Variants in PTPN9 observed in about 807,000 individuals in gnomAD.
PTPN9 encodes tyrosine-protein phosphatase non-receptor type 9.
In PTPN9, 26 loss-of-function variants were observed where a neutral mutation model predicts 69.8. That is an observed-to-expected ratio of 0.37 (90% CI 0.27 to 0.52). The LOEUF (loss-of-function observed/expected upper bound fraction) is 0.52. Ranked by LOEUF, PTPN9 falls within the 20% of genes least tolerant of loss-of-function variation. The probability of loss-of-function intolerance (pLI) is 0.91; values close to 1 mark genes in which losing one functional copy is unlikely to be tolerated. For missense variants in PTPN9, 549 were observed against 740.3 expected, an observed-to-expected ratio of 0.74 and a Z score of 3.00; for synonymous variants, 274 against 272.5, an observed-to-expected ratio of 1.01 and a Z score of -0.05.
chr15:75,538,446 C>A (rs994565203), intron 1 of PTPN9, among the ~76,000 whole-genome samples: 1 of 152,104 alleles, frequency 6.6e-6, no homozygotes, highest in Non-Finnish European at 1.5e-5. Context: ...TCTATAATCC[C>A]AGCACTCTGG....
intron 8 of PTPN9, among the ~76,000 whole-genome samples, chr15:75,482,361 C>A (rs1357748603): frequency 1.3e-5 from 2 of 152,132 alleles, no homozygotes; most frequent in Non-Finnish European, 1.5e-5. Context: ...GTCAGGAGAT[C>A]GAGACCATCC....
intron 8 of PTPN9, among the ~76,000 whole-genome samples, chr15:75,480,490 C>A (rs1297209241): frequency 6.6e-6 from 1 of 151,120 alleles, no homozygotes; most frequent in Non-Finnish European, 1.5e-5. Flanking sequence ...GAGGTCGCGG[C>A]GCCGGAGGCC....
chr15:75,524,125 A>C (rs2074916772), intron 3 of PTPN9, 84 bp downstream of exon 3: 2 of 620,972 alleles, frequency 3.2e-6, no homozygotes, highest in South Asian at 3.4e-5. Flanking sequence ...ATTAAAAAAA[A>C]AAAAAAAAAA....
At chr15:75,576,723 G>A (rs1436294397) in intron 1 of PTPN9, among the ~76,000 whole-genome samples, 5 of 152,004 alleles carry the variant, frequency 3.3e-5, no homozygotes, top group South Asian at 4.1e-4. Flanking sequence ...CAGGAGAATC[G>A]TTTGAACCCT....
Position 75,472,083 on chromosome 15 carries a change from A to G in PTPN9, c.1209-1253T>C, listed in dbSNP as rs75223802. On this transcript the variant is annotated intron_variant, in intron 10 of 12. Transcript: ENST00000618819. ...GGAAGGGAATTTAACATTCACATTC[A>G]TTTTTTTCCTTCCTCATCTGAAATA... Among the ~76,000 whole-genome samples the G allele has an allele frequency of 8.1e-3, 1,228 of 152,258 alleles. 31 individuals are homozygous for G. The East Asian group carries it at 0.1, about 13-fold the overall frequency.
At chr15:75,493,717 C>T (rs1249600109) in intron 7 of PTPN9, among the ~76,000 whole-genome samples, 2 of 151,664 alleles carry the variant, frequency 1.3e-5, no homozygotes, top group East Asian at 1.9e-4. Context: ...GCTGAAATTG[C>T]GCCACTGTAC....
rs549487850 is a variant in PTPN9 at position 75,529,717 on chromosome 15, C to T, written c.64-2456G>A. Among the ~76,000 whole-genome samples the T allele has an allele frequency of 1.1e-4, 16 of 152,146 alleles. No homozygotes were observed. In the South Asian group the frequency reaches 1.5e-3, roughly 14 times the overall value. ...TTGAGGTCAGGAGTTCGAGACCAGC[C>T]TGGCCAACATGGTGAAACCCTGTCA... On this transcript the variant is annotated intron_variant, in intron 1 of 12. Transcript: ENST00000618819.
At chr15:75,491,946 G>A (rs1416172298) in intron 7 of PTPN9, among the ~76,000 whole-genome samples, 1 of 152,038 alleles carries the variant, frequency 6.6e-6, no homozygotes. Context: ...CTCCAGGGTC[G>A]CCCAGGCTGG....
intron 7 of PTPN9, among the ~76,000 whole-genome samples, chr15:75,491,607 A>T (rs1299585851): frequency 2.6e-5 from 4 of 152,206 alleles, no homozygotes; most frequent in Non-Finnish European, 5.9e-5. Flanking sequence ...TGTTGCCATA[A>T]ACAGGCATAA....
At chr15:75,578,119 G>T (rs543414204) in intron 1 of PTPN9, among the ~76,000 whole-genome samples, 1 of 152,268 alleles carries the variant, frequency 6.6e-6, no homozygotes, top group Admixed American at 6.5e-5. Flanking sequence ...GCCCCGTCTG[G>T]GATAGCTGAA....
intron 1 of PTPN9, among the ~76,000 whole-genome samples, chr15:75,558,534 C>T (rs1056875728): frequency 3.3e-5 from 5 of 151,932 alleles, no homozygotes; most frequent in Non-Finnish European, 5.9e-5. Context: ...CCTCTCCCCA[C>T]GGTCTCCCGA....
intron 3 of PTPN9, 42 bp downstream of exon 3, chr15:75,524,167 G>T: frequency 5.9e-6 from 6 of 1,021,152 alleles, no homozygotes; most frequent in Non-Finnish European, 6.9e-6. Context: ...AGTTAAAAAA[G>T]GAAGTAATAA....
intron 1 of PTPN9, among the ~76,000 whole-genome samples, chr15:75,543,770 C>T (rs951702038): frequency 2.0e-5 from 3 of 152,054 alleles, no homozygotes; most frequent in Non-Finnish European, 4.4e-5. Flanking sequence ...TTTTATATAG[C>T]CTTTAACTAA....
chr15:75,480,154 G>T (rs1441818092), intron 8 of PTPN9, among the ~76,000 whole-genome samples: 2 of 152,070 alleles, frequency 1.3e-5, no homozygotes, highest in Non-Finnish European at 2.9e-5. Flanking sequence ...GACTCAAAAT[G>T]TATCACAGAC....
chr15:75,499,694 G>A (rs911397587), intron 7 of PTPN9, among the ~76,000 whole-genome samples: 16 of 151,690 alleles, frequency 1.1e-4, no homozygotes, highest in African/African-American at 2.4e-4. Flanking sequence ...GTGAGCCACC[G>A]CGCCCAGCCA....
At position 75,483,575 on chromosome 15, in the gene PTPN9, G is replaced by T. The variant is rs780387662; in HGVS notation, c.1063-3661C>A. Among the ~76,000 whole-genome samples, 22 of 152,334 alleles carry T rather than the reference G, an allele frequency of 1.4e-4. No homozygotes were observed. In the South Asian group the frequency reaches 2.1e-3, roughly 14 times the overall value. On this transcript the variant is annotated intron_variant, in intron 8 of 12. Transcript: ENST00000618819. Reference sequence around the variant, plus strand: ...GGGAAATAGGTAGCGACTGCCAAGGGTGTGAGGTTTCTTTGGGAAATGAAA... The same window carrying T: ...GGGAAATAGGTAGCGACTGCCAAGGTTGTGAGGTTTCTTTGGGAAATGAAA...
At chr15:75,480,841 C>T (rs1276447150) in intron 8 of PTPN9, 1 of 318,280 alleles carries the variant, frequency 3.1e-6, no homozygotes, top group East Asian at 5.5e-5. Flanking sequence ...GGAGCAGCCG[C>T]CTGCCTTGGC....
At chr15:75,551,111 A>T (rs76029063) in intron 1 of PTPN9, among the ~76,000 whole-genome samples, 2,887 of 152,168 alleles carry the variant, frequency 0.019, 98 homozygotes, top group African/African-American at 0.065. Flanking sequence ...TTTTAAAAAA[A>T]TTTTTTTCAG....
At chr15:75,578,126 T>C (rs942951889) in intron 1 of PTPN9, among the ~76,000 whole-genome samples, 21 of 152,084 alleles carry the variant, frequency 1.4e-4, no homozygotes, top group African/African-American at 5.1e-4. Flanking sequence ...CTGGGATAGC[T>C]GAATAGGGGG....
Sources: gnomAD v4.1 joint callset for allele counts (sites outside exome capture counted in the v4.1 genomes callset) on GRCh38, gnomAD v4.1.1 for gene constraint, MANE v1.5 for transcripts, NCBI Gene and HGNC (gene_info 2026-07-23, HGNC 2026-07-21) for gene names.